NSUN2: variants seen among roughly 807,000 people sequenced by gnomAD.
The protein encoded by NSUN2 is NOP2/Sun RNA methyltransferase 2, also known as RNA cytosine C(5)-methyltransferase NSUN2.
A neutral mutation model predicts 92.7 loss-of-function variants in NSUN2; 63 were observed. The ratio of observed to expected loss-of-function variants is 0.68; its 90% CI spans 0.56 to 0.84. The LOEUF (loss-of-function observed/expected upper bound fraction) is 0.84. NSUN2 is among the 40% of genes least tolerant of loss of function. NSUN2 has a pLI of 0.00. For synonymous variants in NSUN2, 356 were observed against 348.3 expected, an observed-to-expected ratio of 1.02 and a Z score of -0.25; for missense variants, 989 against 964.9, an observed-to-expected ratio of 1.02 and a Z score of -0.33.
intron 3 of NSUN2, among the ~76,000 whole-genome samples, chr5:6,629,722 T>A (rs562817265): frequency 6.6e-6 from 1 of 152,176 alleles, no homozygotes; most frequent in Non-Finnish European, 1.5e-5. Flanking sequence ...ATTCCCCACG[T>A]GTCAAGGGCA....
intron 4 of NSUN2, 52 bp from the exon 5 acceptor site, chr5:6,623,337 A>G: frequency 7.3e-7 from 1 of 1,374,916 alleles, no homozygotes; most frequent in Non-Finnish European, 1.0e-6. Flanking sequence ...AAAAAACCGC[A>G]GACAATTTCA....
In NSUN2 at chr5:6,604,216, C is replaced by T. The variant is rs2303708; in HGVS notation, c.1879G>A (p.Val627Ile). Residue 627 changes from valine (V) to isoleucine (I), a missense_variant, in exon 17 of 19, where the codon GTT (valine) becomes ATT (isoleucine). By Grantham distance (29) the Val-to-Ile change is conservative (BLOSUM62 3). Coordinates refer to ENST00000264670, the MANE Select transcript of NSUN2 (RefSeq NM_017755.6). ...SRIITVSMED[V>I]KILLTQENPF... is the part of the protein sequence containing the mutation. ...TTTTCCTGGGTCAACAGTATCTTAA[C>T]ATCTTCCATTGATACAGTAATAATT... 2.4e-3 allele frequency: 3,791 copies of T among 1,609,288 alleles called. 111 individuals carry two copies. In the East Asian group the frequency reaches 0.068, roughly 29 times the overall value.
chr5:6,612,933 C>A lies in NSUN2; in HGVS notation c.1022-1135G>T, dbSNP rs896892649. Among the ~76,000 whole-genome samples the A allele has an allele frequency of 2.0e-5, 3 of 152,192 alleles. 1 individual carries two copies. Among genetic ancestry groups the A allele is most frequent in the African/African-American group, 7.2e-5 (3 of 41,426 alleles). ...ACTTTCAGGTGGGGAACGCACACCC[C>A]CTCCAGTCAAAATCACCAGCAACCA... On this transcript the variant is annotated intron_variant, in intron 9 of 18. Coordinates refer to ENST00000264670, the MANE Select transcript of NSUN2 (RefSeq NM_017755.6).
rs1166814171 is a variant in NSUN2, at chr5:6,616,638, G to T, written c.1021+89C>A. On this transcript the variant is annotated intron_variant, in intron 9 of 18. Transcript: ENST00000264670. The stretch of plus-strand genomic sequence containing the variant: ...GAACTGCAGGCTCAAAAATGATTAA[G>T]ATGGTAAACCTCACGTTATGTGTAT... 64 of 180,780 alleles carry T rather than the reference G, an allele frequency of 3.5e-4. 4 individuals carry two copies. The highest frequency in any genetic ancestry group is 4.4e-4 in the Non-Finnish European group (57 of 128,854). The allele number at this position is 180,780 out of a possible 1,614,324, so 11.2% of individuals were successfully genotyped here.
chr5:6,616,781 G>C lies in NSUN2; in HGVS notation c.967C>G (p.Leu323Val). ...ACTGCTTCATCCTCAATAGGGTTTAGTGAACACGTGGAATACACCATCCTT... is the reference window on the plus strand; with the variant it reads ...ACTGCTTCATCCTCAATAGGGTTTACTGAACACGTGGAATACACCATCCTT... ...GGRMVYSTCS[L>V]NPIEDEAVIA... Residue 323 changes from leucine (L) to valine (V), a missense_variant, in exon 9 of 19, where the codon CTA becomes GTA. By Grantham distance (32) the Leu-to-Val change is conservative. Around this residue, in one of 3 missense-constraint regions of NSUN2, gnomAD observed 626 missense variants for 602.3 expected, o/e 1.04. Coordinates refer to ENST00000264670, the MANE Select transcript of NSUN2 (RefSeq NM_017755.6). 1.9e-6 allele frequency: 3 copies of C among 1,572,312 alleles called. No individual in the cohort carries two copies. Among genetic ancestry groups the C allele is most frequent in the South Asian group, 1.1e-5 (1 of 89,446 alleles).
At chr5:6,602,672 T>C (rs551076532) in intron 17 of NSUN2, among the ~76,000 whole-genome samples, 172 bp from the exon 18 acceptor site, 28 of 152,306 alleles carry the variant, frequency 1.8e-4, no homozygotes, top group Non-Finnish European at 2.8e-4. Flanking sequence ...TCTGGATACA[T>C]GAACCAAGTC....
chr5:6,632,799 G>GC, intron 1 of NSUN2, 43 bp from the exon 2 acceptor site: 1 of 1,587,896 alleles, frequency 6.3e-7, no homozygotes, highest in Non-Finnish European at 8.6e-7. Flanking sequence ...CCAAGGAGCC[G>GC]CCCCCTCGCC....
At chr5:6,621,383 G>C (rs1737432492) in intron 6 of NSUN2, 2 of 152,098 alleles carry the variant, frequency 1.3e-5, no homozygotes, top group South Asian at 2.1e-4. Flanking sequence ...GAACAAAGGT[G>C]GGGGAAAGGG....
intron 9 of NSUN2, among the ~76,000 whole-genome samples, chr5:6,613,657 T>C (rs1737090331): frequency 6.6e-6 from 1 of 152,246 alleles, no homozygotes; most frequent in African/African-American, 2.4e-5. Context: ...AAGCCTCATT[T>C]TAAAGGTAAG....
At chr5:6,621,117 A>T (rs1468476599) in intron 6 of NSUN2, 1 of 152,146 alleles carries the variant, frequency 6.6e-6, no homozygotes, top group African/African-American at 2.4e-5. Context: ...ATGAAAGCTG[A>T]CTCTAAAACA....
rs1737972598 is a variant in NSUN2, at chr5:6,632,636, G to A, written c.217C>T (p.Pro73Ser). The A allele has an allele frequency of 3.1e-6, 5 of 1,614,160 alleles. No homozygotes were observed. The East Asian group carries it at 1.1e-4, about 36-fold the overall frequency. Residue 73 changes from proline to serine, a missense_variant, in exon 2 of 19, where the codon CCG becomes TCG. Physicochemically the swap from Pro to Ser is moderately conservative, Grantham distance 74. Transcript: ENST00000264670. ...WGQFMDALRE[P>S]LPATLRITGY... Reference sequence around the variant, plus strand: ...GTAATTCTTAAAGTGGCCGGGAGCGGCTCCCTGAGAGCGTCCATGAACTGG... The same window carrying A: ...GTAATTCTTAAAGTGGCCGGGAGCGACTCCCTGAGAGCGTCCATGAACTGG...
At chr5:6,618,065 T>C in intron 7 of NSUN2, 41 bp from the exon 8 acceptor site, 1 of 1,380,618 alleles carries the variant, frequency 7.2e-7, no homozygotes, top group Middle Eastern at 1.8e-4. Context: ...TCCCTACAGG[T>C]GGATGACTGC....
intron 18 of NSUN2, among the ~76,000 whole-genome samples, chr5:6,601,134 A>G (rs565795025): frequency 6.9e-6 from 1 of 145,664 alleles, no homozygotes; most frequent in East Asian, 2.1e-4. Flanking sequence ...TGAGAGGAAA[A>G]TATAAGAAAT....
intron 4 of NSUN2, among the ~76,000 whole-genome samples, chr5:6,624,524 C>T (rs1214747806): frequency 1.3e-5 from 2 of 152,222 alleles, no homozygotes; most frequent in Non-Finnish European, 2.9e-5. Flanking sequence ...ACAAACCCCA[C>T]GCTCTCTTCC....
In NSUN2 at chr5:6,599,938, A is replaced by G. The variant is rs759381397; in HGVS notation, c.2292T>C (p.His764=). The G allele has an allele frequency of 1.2e-6, 2 of 1,612,876 alleles. No individual in the cohort carries two copies. The highest frequency in any genetic ancestry group is 1.7e-6 in the Non-Finnish European group (2 of 1,179,838). The change falls in exon 19 of 19, where the codon CAT becomes CAC. Residue 764 remains histidine, a synonymous_variant. Transcript: ENST00000264670. Reference sequence around the variant, plus strand: ...GCCTTGGGCCTGCTCACCGGGGTGGATGGACCCCCGCCGGGTCACAGCCTG... The same window carrying G: ...GCCTTGGGCCTGCTCACCGGGGTGGGTGGACCCCCGCCGGGTCACAGCCTG... ...VTAGCDPAGV[H]PPR is the part of the protein sequence containing the mutation.
intron 2 of NSUN2, 133 bp from the exon 3 acceptor site, chr5:6,632,110 A>G (rs1737931501): frequency 1.2e-5 from 8 of 684,116 alleles, no homozygotes; most frequent in Admixed American, 8.0e-5. Flanking sequence ...TTCTTTAGTC[A>G]CTACTTTTAC....
rs764892735 is a variant in NSUN2 at position 6,605,336 on chromosome 5, C to G, written c.1674G>C (p.Arg558Ser). Residue 558 changes from arginine (R) to serine (S), a missense_variant, in exon 15 of 19, where the codon AGG (arginine) becomes AGC (serine). Arg to Ser is a moderately radical substitution (Grantham distance 110). Coordinates refer to ENST00000264670, the MANE Select transcript of NSUN2 (RefSeq NM_017755.6). Reference sequence around the variant, plus strand: ...ACTCCTTAGAAACCATGTAGAGCTGCCTTTTCTTCCCTTCTGTAGTCCGAG... The same window carrying G: ...ACTCCTTAGAAACCATGTAGAGCTGGCTTTTCTTCCCTTCTGTAGTCCGAG... The part of the protein sequence containing the change: ...LLTRTTEGKK[R>S]QLYMVSKELR... 6.2e-7 allele frequency: 1 copy of G among 1,614,218 alleles called. No homozygotes were observed. The highest frequency in any genetic ancestry group is 8.5e-7 in the Non-Finnish European group (1 of 1,180,042).
At chr5:6,618,187 T>C (rs1737293136) in intron 7 of NSUN2, among the ~76,000 whole-genome samples, 163 bp from the exon 8 acceptor site, 1 of 152,258 alleles carries the variant, frequency 6.6e-6, no homozygotes, top group African/African-American at 2.4e-5. Flanking sequence ...GCTTTTGTTT[T>C]AGGGATTTTC....
rs1205035168 is a variant in NSUN2, at chr5:6,612,508, G to A, written c.1022-710C>T. Among the ~76,000 whole-genome samples, 6 of 152,318 alleles carry A rather than the reference G, an allele frequency of 3.9e-5. No homozygotes were observed. In the South Asian group the frequency reaches 1.2e-3, roughly 32 times the overall value. ...CAGTGACACAATAAGAAGCTATAAG[G>A]TGAGGCCATTACAGGAAACCAGTGA... On this transcript the variant is annotated intron_variant, in intron 9 of 18. Coordinates refer to ENST00000264670, the MANE Select transcript of NSUN2 (RefSeq NM_017755.6).
Sources: allele counts gnomAD v4.1 joint callset (sites outside exome capture counted in the v4.1 genomes callset), GRCh38; gene constraint gnomAD v4.1.1; regional missense constraint gnomAD v4.1.1; transcripts MANE v1.5; gene names NCBI Gene and HGNC (gene_info 2026-07-23, HGNC 2026-07-21).